TTC6: variants seen among roughly 807,000 people sequenced by gnomAD.
The protein encoded by TTC6 is tetratricopeptide repeat protein 6.
A neutral mutation model predicts 210.4 loss-of-function variants in TTC6; 172 were observed. The ratio of observed to expected loss-of-function variants is 0.82; its 90% CI spans 0.72 to 0.93. The LOEUF (loss-of-function observed/expected upper bound fraction) is 0.93, where lower values mean the gene tolerates loss of function less well. Ranked by LOEUF, TTC6 falls within the 40% of genes least tolerant of loss-of-function variation. The probability of loss-of-function intolerance (pLI) is 0.00; values close to 1 mark genes in which losing one functional copy is unlikely to be tolerated. For synonymous variants in TTC6, 804 were observed against 819.6 expected (o/e 0.98, Z 0.32); for missense variants, 2,414 against 2,318.1 (o/e 1.04, Z -0.85).
chr14:37,674,566 A>G (rs2095764853), intron 1 of TTC6, among the ~76,000 whole-genome samples: 1 of 152,142 alleles, frequency 6.6e-6, no homozygotes, highest in African/African-American at 2.4e-5. Context: ...GAGAGGTTGA[A>G]TAATTTGCTT....
chr14:37,611,406 G>C (rs964719776), intron 2 of TTC6: 1 of 152,330 alleles, frequency 6.6e-6, no homozygotes, highest in South Asian at 2.1e-4. Context: ...TCGTGTGGGC[G>C]CTTTGCGAAG....
chr14:37,746,702 A>T (rs374747493), intron 10 of TTC6, among the ~76,000 whole-genome samples: 1 of 152,054 alleles, frequency 6.6e-6, no homozygotes, highest in East Asian at 1.9e-4. Context: ...GCTCCATGAG[A>T]GGGTTTGGGA....
At chr14:37,746,392 G>A (rs750140245) in intron 10 of TTC6, among the ~76,000 whole-genome samples, 3 of 152,136 alleles carry the variant, frequency 2.0e-5, no homozygotes, top group Non-Finnish European at 4.4e-5. Flanking sequence ...TTCCTCTACA[G>A]CAATTGTTCT....
intron 7 of TTC6, among the ~76,000 whole-genome samples, chr14:37,732,490 C>G (rs2095889830): frequency 6.7e-6 from 1 of 150,128 alleles, no homozygotes; most frequent in African/African-American, 2.4e-5. Flanking sequence ...GCCTTATGTA[C>G]TGCATTCTTA....
Position 37,653,526 on chromosome 14 carries a change from G to GAAT in TTC6, c.940-26625_940-26624insAAT, listed in dbSNP as rs1566866160. Among the ~76,000 whole-genome samples, 688 of 152,224 alleles carry GAAT rather than the reference G, an allele frequency of 4.5e-3. 4 individuals carry two copies. Among genetic ancestry groups the GAAT allele is most frequent in the African/African-American group, 0.015 (635 of 41,530 alleles). ...TTTTAGCTTCTTACTTTGCATCAAA[G>GAAT]TATTAATTCCTGCTAGCATGTTTCA... On this transcript the variant is annotated intron_variant, in intron 1 of 30. Coordinates refer to ENST00000553443, the Ensembl canonical transcript of TTC6.
intron 13 of TTC6, among the ~76,000 whole-genome samples, chr14:37,751,463 A>G (rs541750113): frequency 6.6e-6 from 1 of 152,308 alleles, no homozygotes; most frequent in South Asian, 2.1e-4. Flanking sequence ...GGAGGCATTG[A>G]GATAACATGT....
At chr14:37,709,231 T>C (rs1179885885) in intron 5 of TTC6, among the ~76,000 whole-genome samples, 1 of 152,094 alleles carries the variant, frequency 6.6e-6, no homozygotes, top group African/African-American at 2.4e-5. Flanking sequence ...GTGATACATG[T>C]CACAGAAGTA....
At chr14:37,713,819 T>A (rs1243146710) in intron 5 of TTC6, among the ~76,000 whole-genome samples, 1 of 152,168 alleles carries the variant, frequency 6.6e-6, no homozygotes, top group Non-Finnish European at 1.5e-5. Context: ...TGAAATCAGT[T>A]GGGTTTTTGT....
chr14:37,839,261 A>G (rs1206158897), intron 29 of TTC6, among the ~76,000 whole-genome samples: 1 of 152,178 alleles, frequency 6.6e-6, no homozygotes, highest in Non-Finnish European at 1.5e-5. Context: ...CACTCCCACC[A>G]ACAGTGTAAA....
chr14:37,833,451 A>G lies in TTC6; in HGVS notation c.5298+6085A>G, dbSNP rs114721770. 1.5e-3 allele frequency among the ~76,000 whole-genome samples: 225 copies of G among 152,208 alleles called. 2 individuals carry two copies. The highest frequency in any genetic ancestry group is 5.1e-3 in the African/African-American group (213 of 41,532). On this transcript the variant is annotated intron_variant, in intron 29 of 30. Transcript: ENST00000553443. ...TTGTTTTGGGTTCTGTTTTGTAGGA[A>G]ATATCTTTTTACATCTCTTAACTCT...
intron 1 of TTC6, among the ~76,000 whole-genome samples, chr14:37,671,500 A>G (rs1479947286): frequency 6.6e-6 from 1 of 152,170 alleles, no homozygotes; most frequent in Non-Finnish European, 1.5e-5. Flanking sequence ...ACATCAGGAT[A>G]GGTGAACACA....
intron 29 of TTC6, among the ~76,000 whole-genome samples, chr14:37,840,305 C>G (rs1235912689): frequency 6.6e-6 from 1 of 152,172 alleles, no homozygotes; most frequent in African/African-American, 2.4e-5. Context: ...AGTTGAATCT[C>G]TGAATAGACC....
chr14:37,701,571 G>A, intron 5 of TTC6, 45 bp downstream of exon 7: 2 of 1,380,784 alleles, frequency 1.4e-6, no homozygotes, highest in Non-Finnish European at 1.9e-6. Context: ...AATGTAAACT[G>A]TCATATAAAT....
At chr14:37,813,575 T>A (rs1566970068) in intron 25 of TTC6, among the ~76,000 whole-genome samples, 1 of 152,172 alleles carries the variant, frequency 6.6e-6, no homozygotes, top group Non-Finnish European at 1.5e-5. Flanking sequence ...TGCTGCCGAA[T>A]TTATAATTGT....
intron 10 of TTC6, among the ~76,000 whole-genome samples, chr14:37,747,140 A>G (rs1051179733): frequency 1.3e-5 from 2 of 152,142 alleles, no homozygotes; most frequent in Non-Finnish European, 2.9e-5. Flanking sequence ...CCTGAACATC[A>G]TTCCCTGCTA....
At chr14:37,767,903 A>C (rs1366175880) in intron 14 of TTC6, among the ~76,000 whole-genome samples, 2 of 144,602 alleles carry the variant, frequency 1.4e-5, no homozygotes, top group African/African-American at 2.5e-5. Flanking sequence ...GGTAATGCCT[A>C]GGTTTTCTTC....
intron 25 of TTC6, among the ~76,000 whole-genome samples, chr14:37,813,779 A>G (rs1054589166): frequency 3.9e-5 from 6 of 152,230 alleles, no homozygotes; most frequent in Admixed American, 2.0e-4. Flanking sequence ...GTCTAGGGAG[A>G]GTCATTCTTG....
At chr14:37,609,592 C>G (rs2095630917) in intron 2 of TTC6, among the ~76,000 whole-genome samples, 1 of 152,096 alleles carries the variant, frequency 6.6e-6, no homozygotes, top group South Asian at 2.1e-4. Context: ...GTATGGATAC[C>G]TGAGTCCTTA....
At chr14:37,796,658 A>T (rs2139365845) in intron 19 of TTC6, 129 bp from the exon 22 acceptor site, 1 of 863,032 alleles carries the variant, frequency 1.2e-6, no homozygotes, top group African/African-American at 1.8e-5. Flanking sequence ...ATGATTTGTT[A>T]ATTTTATAAT....
Sources: gnomAD v4.1 joint callset for allele counts (sites outside exome capture counted in the v4.1 genomes callset) on GRCh38, gnomAD v4.1.1 for gene constraint, MANE v1.5 for transcripts, NCBI Gene and HGNC (gene_info 2026-07-23, HGNC 2026-07-21) for gene names.